The following PTPRM variants were observed in gnomAD, a reference collection of about 807,000 sequenced individuals.
PTPRM encodes protein tyrosine phosphatase receptor type M.
A neutral mutation model predicts 186.7 loss-of-function variants in PTPRM; 47 were observed. That is an observed-to-expected ratio of 0.25 (90% CI 0.20 to 0.32). The LOEUF (loss-of-function observed/expected upper bound fraction) is 0.32. Among genes scored for constraint, PTPRM ranks in the 10% least tolerant of loss-of-function variants. The pLI is 1.00. For missense variants in PTPRM, 1,494 were observed against 1,865.0 expected (o/e 0.80, Z 3.66); for synonymous variants, 668 against 674.9 (o/e 0.99, Z 0.16).
chr18:7,643,088 C>T (rs890437677), intron 1 of PTPRM, among the ~76,000 whole-genome samples: 2 of 151,872 alleles, frequency 1.3e-5, no homozygotes, highest in South Asian at 4.1e-4. Context: ...TCCTTATGCT[C>T]TGGTACAAGA....
chr18:8,213,309 T>C (rs1480493240), intron 14 of PTPRM, among the ~76,000 whole-genome samples: 2 of 152,200 alleles, frequency 1.3e-5, no homozygotes, highest in Non-Finnish European at 2.9e-5. Flanking sequence ...CAGAAGGTAA[T>C]GTGCAATCTC....
chr18:7,687,341 G>A (rs546962649), intron 1 of PTPRM, among the ~76,000 whole-genome samples: 15 of 151,778 alleles, frequency 9.9e-5, no homozygotes, highest in African/African-American at 2.7e-4. Context: ...AAACCACCAG[G>A]GAAATTCAAA....
intron 2 of PTPRM, among the ~76,000 whole-genome samples, chr18:7,887,019 A>G (rs750820562): frequency 6.6e-6 from 1 of 152,166 alleles, no homozygotes; most frequent in Non-Finnish European, 1.5e-5. Flanking sequence ...TAGACAATAA[A>G]CACATATTAA....
chr18:7,916,015 A>C (rs559160193), intron 4 of PTPRM, among the ~76,000 whole-genome samples: 1 of 152,302 alleles, frequency 6.6e-6, no homozygotes, highest in African/African-American at 2.4e-5. Context: ...AAAAACAAAA[A>C]CTACACGTTT....
At position 8,144,612 on chromosome 18, in the gene PTPRM, C is replaced by T. The variant is rs186760787; in HGVS notation, c.2300+833C>T. On this transcript the variant is annotated intron_variant, in intron 14 of 32. Coordinates refer to ENST00000580170, the MANE Select transcript of PTPRM (RefSeq NM_001105244.2). ...AACCCTGTCTCCAAAAACAAACAAACAAACAAAGTTGTGTGTTACAAGAGC... is the reference window on the plus strand; with the variant it reads ...AACCCTGTCTCCAAAAACAAACAAATAAACAAAGTTGTGTGTTACAAGAGC... 1.6e-3 allele frequency among the ~76,000 whole-genome samples: 246 copies of T among 152,206 alleles called. 1 individual carries two copies. The highest frequency in any genetic ancestry group is 5.0e-3 in the South Asian group (24 of 4,824).
intron 1 of PTPRM, among the ~76,000 whole-genome samples, chr18:7,624,511 G>T (rs899067492): frequency 1.3e-5 from 2 of 151,604 alleles, no homozygotes; most frequent in Non-Finnish European, 2.9e-5. Flanking sequence ...TTTGGGACAG[G>T]GTATCACTCT....
intron 14 of PTPRM, among the ~76,000 whole-genome samples, chr18:8,152,329 C>T (rs1033326188): frequency 6.6e-6 from 1 of 152,074 alleles, no homozygotes; most frequent in Non-Finnish European, 1.5e-5. Context: ...AAGGTAAAAC[C>T]GTTGGCAACA....
At chr18:8,275,391 C>T (rs778223780) in intron 19 of PTPRM, among the ~76,000 whole-genome samples, 2 of 152,110 alleles carry the variant, frequency 1.3e-5, no homozygotes, top group African/African-American at 2.4e-5. Flanking sequence ...CTTCAGTAAG[C>T]TATGATTGCA....
At chr18:8,150,819 G>C (rs911140335) in intron 14 of PTPRM, among the ~76,000 whole-genome samples, 1 of 152,170 alleles carries the variant, frequency 6.6e-6, no homozygotes, top group Non-Finnish European at 1.5e-5. Context: ...GTGACCTTCA[G>C]ATGGGGTCTT....
chr18:8,076,242 A>C (rs544019011), intron 8 of PTPRM, among the ~76,000 whole-genome samples: 1 of 152,172 alleles, frequency 6.6e-6, no homozygotes, highest in Non-Finnish European at 1.5e-5. Flanking sequence ...CTAATTGATT[A>C]AAACTTTTAA....
At chr18:8,366,002 C>T (rs1598452260) in intron 23 of PTPRM, among the ~76,000 whole-genome samples, 1 of 152,260 alleles carries the variant, frequency 6.6e-6, no homozygotes, top group East Asian at 1.9e-4. Flanking sequence ...AGGGGGGCTT[C>T]AATAAACTAC....
chr18:7,759,441 G>A (rs2041665757), intron 1 of PTPRM, among the ~76,000 whole-genome samples: 1 of 152,092 alleles, frequency 6.6e-6, no homozygotes, highest in African/African-American at 2.4e-5. Flanking sequence ...AAATAAAAAA[G>A]CTTCCTGAGA....
intron 23 of PTPRM, among the ~76,000 whole-genome samples, chr18:8,349,560 G>T (rs2095523203): frequency 6.6e-6 from 1 of 152,080 alleles, no homozygotes; most frequent in Non-Finnish European, 1.5e-5. Flanking sequence ...GGATGAAGCT[G>T]ACATAAGCCT....
intron 14 of PTPRM, among the ~76,000 whole-genome samples, chr18:8,204,590 G>A (rs1200106405): frequency 6.6e-6 from 1 of 151,986 alleles, no homozygotes; most frequent in East Asian, 1.9e-4. Context: ...CTTGACAGCT[G>A]CCTCCACAAG....
chr18:7,755,673 T>C (rs1052550563), intron 1 of PTPRM, among the ~76,000 whole-genome samples: 3 of 152,214 alleles, frequency 2.0e-5, no homozygotes, highest in Admixed American at 6.5e-5. Flanking sequence ...TTAAATATCA[T>C]TGGCCCAAAG....
chr18:7,664,516 G>A (rs2039052536), intron 1 of PTPRM, among the ~76,000 whole-genome samples: 1 of 152,180 alleles, frequency 6.6e-6, no homozygotes, highest in Non-Finnish European at 1.5e-5. Flanking sequence ...CAAGGCCAGT[G>A]GGCTGGTGCT....
chr18:7,900,872 T>C (rs1384237833), intron 3 of PTPRM, among the ~76,000 whole-genome samples: 1 of 152,220 alleles, frequency 6.6e-6, no homozygotes, highest in African/African-American at 2.4e-5. Context: ...AATTATTCTT[T>C]TTGAAGAAAA....
intron 13 of PTPRM, among the ~76,000 whole-genome samples, chr18:8,121,349 G>A (rs1160742403): frequency 6.6e-6 from 1 of 152,150 alleles, no homozygotes; most frequent in African/African-American, 2.4e-5. Flanking sequence ...ATGTAAATTA[G>A]TAATCTTTCA....
intron 6 of PTPRM, among the ~76,000 whole-genome samples, chr18:7,954,149 A>G (rs577178173): frequency 6.6e-6 from 1 of 152,342 alleles, no homozygotes; most frequent in South Asian, 2.1e-4. Context: ...ACGGGCATCT[A>G]ACTAATATAC....
Sources: allele counts gnomAD v4.1 joint callset (sites outside exome capture counted in the v4.1 genomes callset), GRCh38; gene constraint gnomAD v4.1.1; transcripts MANE v1.5; gene names NCBI Gene and HGNC (gene_info 2026-07-23, HGNC 2026-07-21).